The following PHF24 variants were observed in gnomAD, a reference collection of about 807,000 sequenced individuals.
PHF24 encodes PHD finger protein 24.
In PHF24, 25 loss-of-function variants were observed where a neutral mutation model predicts 42.6. The ratio of observed to expected loss-of-function variants is 0.59; its 90% CI spans 0.43 to 0.82. The LOEUF (loss-of-function observed/expected upper bound fraction) is 0.82. Among genes scored for constraint, PHF24 ranks in the 40% least tolerant of loss-of-function variants. PHF24 has a pLI of 0.00. For synonymous variants in PHF24, 185 were observed against 204.8 expected, an observed-to-expected ratio of 0.90 and a Z score of 0.83; for missense variants, 470 against 538.1, an observed-to-expected ratio of 0.87 and a Z score of 1.25.
the PHF24 span, among the ~76,000 whole-genome samples, chr9:34,695,765 G>A: frequency 1.2e-4 from 19 of 152,246 alleles, no homozygotes; most frequent in African/African-American, 4.6e-4. Flanking sequence ...GGTCACAGAA[G>A]TATTGAGTGG....
chr9:34,833,137 T>C, the PHF24 span: 1 of 1,551,492 alleles, frequency 6.4e-7, no homozygotes, highest in South Asian at 1.2e-5. Context: ...CCCTGGCTGC[T>C]TTGGTTTCCT....
At chr9:34,872,746 G>A in the PHF24 span, among the ~76,000 whole-genome samples, 2 of 149,634 alleles carry the variant, frequency 1.3e-5, no homozygotes, top group Non-Finnish European at 3.0e-5. Context: ...TGGCTCAAAT[G>A]GTATTTCCAG....
the PHF24 span, among the ~76,000 whole-genome samples, chr9:34,933,732 A>AC: frequency 2.6e-5 from 4 of 151,136 alleles, no homozygotes; most frequent in South Asian, 2.1e-4. Context: ...CTCAAAAAAA[A>AC]AAAAACAAAA....
At chr9:34,967,591 A>G (rs1035658484) in intron 1 of PHF24, among the ~76,000 whole-genome samples, 3 of 152,186 alleles carry the variant, frequency 2.0e-5, no homozygotes, top group African/African-American at 7.2e-5. Flanking sequence ...ATTATCTGTC[A>G]GTTTTGTATT....
chr9:34,909,651 T>G, the PHF24 span, among the ~76,000 whole-genome samples: 4 of 151,560 alleles, frequency 2.6e-5, no homozygotes, highest in South Asian at 8.4e-4. Flanking sequence ...AGACGGAGTC[T>G]CGCTCTGTCG....
At chr9:34,724,022 C>G in the PHF24 span, 1 of 1,543,900 alleles carries the variant, frequency 6.5e-7, no homozygotes. Flanking sequence ...TCTCTCTTCT[C>G]TGGTTGAGGA....
chr9:34,687,494 C>T, the PHF24 span, among the ~76,000 whole-genome samples: 43 of 152,150 alleles, frequency 2.8e-4, 2 homozygotes, highest in East Asian at 8.1e-3. Flanking sequence ...CCCAGAGTCA[C>T]ACAATGAGTG....
the PHF24 span, among the ~76,000 whole-genome samples, chr9:34,872,340 A>G: frequency 1.5e-5 from 2 of 135,440 alleles, no homozygotes; most frequent in African/African-American, 5.4e-5. Flanking sequence ...ATATCTCCCA[A>G]TGCTATCCCT....
chr9:34,691,692 G>A, the PHF24 span, among the ~76,000 whole-genome samples: 1 of 152,078 alleles, frequency 6.6e-6, no homozygotes, highest in African/African-American at 2.4e-5. Flanking sequence ...AGGCTCCCTG[G>A]CACCCTCAGG....
the PHF24 span, among the ~76,000 whole-genome samples, chr9:34,772,664 G>A: frequency 1.3e-5 from 2 of 152,120 alleles, no homozygotes; most frequent in Non-Finnish European, 2.9e-5. Flanking sequence ...ACATTAAAAA[G>A]GAATCCTCAC....
chr9:34,846,314 CATT>C, the PHF24 span, among the ~76,000 whole-genome samples: 1 of 152,120 alleles, frequency 6.6e-6, no homozygotes, highest in South Asian at 2.1e-4. Flanking sequence ...GATGGTATCT[CATT>C]GTGGTTTTGA....
chr9:34,779,888 G>A, the PHF24 span, among the ~76,000 whole-genome samples: 13 of 152,214 alleles, frequency 8.5e-5, no homozygotes, highest in South Asian at 1.7e-3. Context: ...AACACGCCCC[G>A]CTAATTTTTG....
chr9:34,707,439 T>C, the PHF24 span, among the ~76,000 whole-genome samples: 1 of 152,218 alleles, frequency 6.6e-6, no homozygotes, highest in Non-Finnish European at 1.5e-5. Flanking sequence ...ATCAGCACTC[T>C]AGTGCAGTAG....
At chr9:34,824,050 C>T in the PHF24 span, among the ~76,000 whole-genome samples, 1 of 152,160 alleles carries the variant, frequency 6.6e-6, no homozygotes, top group East Asian at 1.9e-4. Flanking sequence ...GACCACACTC[C>T]CTTCACCCTC....
the PHF24 span, among the ~76,000 whole-genome samples, chr9:34,768,321 G>A: frequency 6.6e-6 from 1 of 152,204 alleles, no homozygotes; most frequent in African/African-American, 2.4e-5. Flanking sequence ...TCAAATATGG[G>A]CCTCAGCAAG....
chr9:34,790,401 C>A, the PHF24 span, among the ~76,000 whole-genome samples: 1 of 152,110 alleles, frequency 6.6e-6, no homozygotes, highest in African/African-American at 2.4e-5. Flanking sequence ...CTCTTCATAG[C>A]CTTCTCTGGC....
the PHF24 span, among the ~76,000 whole-genome samples, chr9:34,759,001 C>T: frequency 5.9e-5 from 9 of 152,108 alleles, no homozygotes; most frequent in African/African-American, 2.2e-4. Context: ...TCCACTCCCC[C>T]ACTGCACTCC....
the PHF24 span, among the ~76,000 whole-genome samples, chr9:34,931,556 C>T: frequency 6.6e-6 from 1 of 151,920 alleles, no homozygotes; most frequent in Non-Finnish European, 1.5e-5. Flanking sequence ...ATCACCTGTA[C>T]TCCAAAAACT....
At chr9:34,870,580 C>CTTT in the PHF24 span, among the ~76,000 whole-genome samples, 797 of 148,820 alleles carry the variant, frequency 5.4e-3, 10 homozygotes, top group African/African-American at 0.013. Context: ...TCTTCCATGT[C>CTTT]TTTTTTTTTG....
Sources: gnomAD v4.1 joint callset for allele counts (sites outside exome capture counted in the v4.1 genomes callset) on GRCh38, gnomAD v4.1.1 for gene constraint, MANE v1.5 for transcripts, NCBI Gene and HGNC (gene_info 2026-07-23, HGNC 2026-07-21) for gene names.